Variants in PLXNA4 observed in about 807,000 individuals in gnomAD.
PLXNA4 encodes the protein plexin-A4.
In PLXNA4, 44 loss-of-function variants were observed where a neutral mutation model predicts 191.8. That is an observed-to-expected ratio of 0.23 (90% CI 0.18 to 0.29). The LOEUF (loss-of-function observed/expected upper bound fraction) is 0.29. Among genes scored for constraint, PLXNA4 ranks in the 10% least tolerant of loss-of-function variants. The pLI is 1.00. For synonymous variants in PLXNA4, 1,082 were observed against 1,009.5 expected, an observed-to-expected ratio of 1.07 and a Z score of -1.36; for missense variants, 1,800 against 2,488.8, an observed-to-expected ratio of 0.72 and a Z score of 5.89.
At chr7:132,387,416 G>T (rs1025226746) in intron 3 of PLXNA4, among the ~76,000 whole-genome samples, 4 of 152,240 alleles carry the variant, frequency 2.6e-5, no homozygotes, top group Non-Finnish European at 5.9e-5. Flanking sequence ...ACGTTGAAGT[G>T]CCTTAACTAA....
At chr7:132,491,311 G>A (rs181271072) in intron 2 of PLXNA4, among the ~76,000 whole-genome samples, 20 of 152,326 alleles carry the variant, frequency 1.3e-4, no homozygotes, top group African/African-American at 4.8e-4. Context: ...CAGCAGGCAG[G>A]CTCTTGCCAG....
chr7:132,210,833 C>T (rs370152285), intron 10 of PLXNA4, 110 bp downstream of exon 10: 30 of 1,205,892 alleles, frequency 2.5e-5, no homozygotes, highest in East Asian at 7.3e-5. Context: ...CAGTTTTGTG[C>T]GTGTTGAGGA....
chr7:132,309,765 C>T (rs376751336), intron 3 of PLXNA4, among the ~76,000 whole-genome samples: 8 of 152,124 alleles, frequency 5.3e-5, no homozygotes, highest in African/African-American at 1.2e-4. Context: ...GAGAGAAACC[C>T]GGGAATCCAG....
intron 2 of PLXNA4, among the ~76,000 whole-genome samples, chr7:132,626,091 G>A (rs1306242107): frequency 6.6e-6 from 1 of 152,076 alleles, no homozygotes; most frequent in Non-Finnish European, 1.5e-5. Flanking sequence ...AAGAAAACTG[G>A]TGGTATACCA....
At chr7:132,443,179 T>C (rs892691162) in intron 3 of PLXNA4, among the ~76,000 whole-genome samples, 2 of 152,204 alleles carry the variant, frequency 1.3e-5, no homozygotes, top group Non-Finnish European at 2.9e-5. Context: ...TTTGCCCAAC[T>C]GAGGGATGTT....
At chr7:132,269,906 C>A (rs916420885) in intron 4 of PLXNA4, among the ~76,000 whole-genome samples, 1 of 151,972 alleles carries the variant, frequency 6.6e-6, no homozygotes, top group Admixed American at 6.6e-5. Flanking sequence ...GTCCCTAGTA[C>A]ATTATGGGAA....
At chr7:132,175,536 G>A (rs953495037) in intron 20 of PLXNA4, among the ~76,000 whole-genome samples, 2 of 152,194 alleles carry the variant, frequency 1.3e-5, no homozygotes, top group African/African-American at 4.8e-5. Flanking sequence ...CCTTCCTCAA[G>A]GTGATGCTAC....
chr7:132,463,915 G>A (rs1796605964), intron 3 of PLXNA4, among the ~76,000 whole-genome samples: 1 of 152,176 alleles, frequency 6.6e-6, no homozygotes, highest in Non-Finnish European at 1.5e-5. Context: ...ACAGAGCAGA[G>A]GCCCAGGAGC....
At chr7:132,591,704 GAGC>G (rs1188675124) in intron 2 of PLXNA4, among the ~76,000 whole-genome samples, 1 of 152,162 alleles carries the variant, frequency 6.6e-6, no homozygotes, top group Non-Finnish European at 1.5e-5. Flanking sequence ...ACAGGACTAG[GAGC>G]GTTTGGGTCC....
intron 31 of PLXNA4, among the ~76,000 whole-genome samples, chr7:132,132,050 T>C (rs1170788110): frequency 6.6e-6 from 1 of 152,242 alleles, no homozygotes; most frequent in Non-Finnish European, 1.5e-5. Flanking sequence ...AGAAGGTGGC[T>C]ATGCTGCTGC....
chr7:132,310,353 C>T (rs1048044452), intron 3 of PLXNA4, among the ~76,000 whole-genome samples: 2 of 152,214 alleles, frequency 1.3e-5, no homozygotes, highest in Non-Finnish European at 2.9e-5. Flanking sequence ...TAATGTGATG[C>T]TGATGATGGT....
chr7:132,307,823 G>A (rs943648666), intron 3 of PLXNA4, among the ~76,000 whole-genome samples: 1 of 152,102 alleles, frequency 6.6e-6, no homozygotes, highest in Non-Finnish European at 1.5e-5. Context: ...ATTCCAGCCA[G>A]GAGAAAGGGG....
chr7:132,319,598 G>A (rs1440974710), intron 3 of PLXNA4, among the ~76,000 whole-genome samples: 4 of 152,008 alleles, frequency 2.6e-5, no homozygotes, highest in Non-Finnish European at 5.9e-5. Flanking sequence ...ACACATTGCC[G>A]CTGCACTCCT....
chr7:132,647,044 C>CAT (rs1250671823), intron 1 of PLXNA4, among the ~76,000 whole-genome samples: 1 of 151,976 alleles, frequency 6.6e-6, no homozygotes, highest in Admixed American at 6.6e-5. Context: ...CGCAGTCACA[C>CAT]ACATATACAT....
chr7:132,148,436 A>T, intron 26 of PLXNA4, 107 bp downstream of exon 26: 1 of 1,472,076 alleles, frequency 6.8e-7, no homozygotes, highest in Non-Finnish European at 9.2e-7. Context: ...GGGAACATGG[A>T]GTGCTGGTGA....
intron 5 of PLXNA4, among the ~76,000 whole-genome samples, chr7:132,234,765 T>G (rs556541508): frequency 6.6e-5 from 10 of 152,110 alleles, no homozygotes; most frequent in Non-Finnish European, 1.2e-4. Context: ...TGGGACTCAT[T>G]TCTTTGGAAC....
rs369312916 is a variant in PLXNA4, at chr7:132,626,386, C to T, written c.-87+19542G>A. 3.9e-5 allele frequency among the ~76,000 whole-genome samples: 6 copies of T among 152,296 alleles called. No homozygotes were observed. The East Asian group carries it at 5.8e-4, about 15-fold the overall frequency. ...CTATTGCTATAGTTTGGATATATGT[C>T]GCTGCCCAAATATCATGTTGAATTG... On this transcript the variant is annotated intron_variant, in intron 2 of 4. Transcript: ENST00000378539.
intron 3 of PLXNA4, among the ~76,000 whole-genome samples, chr7:132,350,541 C>T (rs898120827): frequency 6.6e-6 from 1 of 152,080 alleles, no homozygotes; most frequent in African/African-American, 2.4e-5. Flanking sequence ...TAAAAGAATA[C>T]ATTAACTCCA....
chr7:132,626,120 T>G (rs1048752825), intron 2 of PLXNA4, among the ~76,000 whole-genome samples: 6 of 152,164 alleles, frequency 3.9e-5, no homozygotes, highest in Non-Finnish European at 8.8e-5. Flanking sequence ...CAATTCACTC[T>G]CCTTCCCTTC....
Sources: allele counts gnomAD v4.1 joint callset (sites outside exome capture counted in the v4.1 genomes callset), GRCh38; gene constraint gnomAD v4.1.1; transcripts MANE v1.5; gene names NCBI Gene and HGNC (gene_info 2026-07-23, HGNC 2026-07-21).